ZFHX3: variants seen among roughly 807,000 people sequenced by gnomAD.
ZFHX3 encodes the protein zinc finger homeobox 3.
In ZFHX3, 42 loss-of-function variants were observed where a neutral mutation model predicts 279.1. The observed-to-expected ratio is 0.15, with a 90% CI of 0.12 to 0.19. ZFHX3 has a LOEUF of 0.19. Among genes scored for constraint, ZFHX3 ranks in the 10% least tolerant of loss-of-function variants. ZFHX3 has a pLI of 1.00. For missense variants in ZFHX3, 4,981 were observed against 4,754.0 expected, an observed-to-expected ratio of 1.05 and a Z score of -1.40; for synonymous variants, 2,293 against 1,957.8, an observed-to-expected ratio of 1.17 and a Z score of -4.52.
chr16:73,792,861 C>CA (rs1567412284), intron 1 of ZFHX3, among the ~76,000 whole-genome samples: 3 of 146,362 alleles, frequency 2.0e-5, no homozygotes, highest in South Asian at 2.2e-4. Context: ...AGTGCACCCC[C>CA]CCCCTCCCCT....
At chr16:73,869,757 A>C (rs1243357053) in intron 1 of ZFHX3, among the ~76,000 whole-genome samples, 1 of 152,254 alleles carries the variant, frequency 6.6e-6, no homozygotes, top group Non-Finnish European at 1.5e-5. Context: ...TTCATGATAC[A>C]TAAGACTTAG....
At chr16:73,833,913 TGTAATCTCA>T (rs749329457) in intron 1 of ZFHX3, among the ~76,000 whole-genome samples, 8 of 151,698 alleles carry the variant, frequency 5.3e-5, no homozygotes, top group Non-Finnish European at 1.2e-4. Context: ...TGTGTGTATA[TGTAATCTCA>T]GTTGCTTCCC....
intron 5 of ZFHX3, among the ~76,000 whole-genome samples, chr16:73,226,007 C>T (rs1019274747): frequency 1.3e-5 from 2 of 152,148 alleles, no homozygotes; most frequent in African/African-American, 4.8e-5. Context: ...AATGTGTTTG[C>T]CCCCAAGCCT....
At chr16:73,184,978 C>T (rs1019574368) in intron 5 of ZFHX3, among the ~76,000 whole-genome samples, 1 of 144,760 alleles carries the variant, frequency 6.9e-6, no homozygotes, top group Non-Finnish European at 1.5e-5. Context: ...GAACATGCAC[C>T]ATCTCTTTTT....
intron 2 of ZFHX3, chr16:73,483,579 C>A: frequency 3.0e-6 from 1 of 336,888 alleles, no homozygotes; most frequent in Non-Finnish European, 5.8e-6. Flanking sequence ...CAAGGGCCTA[C>A]CAGACCCTGG....
chr16:73,397,270 C>T (rs557561462), intron 3 of ZFHX3, among the ~76,000 whole-genome samples: 45 of 152,246 alleles, frequency 3.0e-4, no homozygotes, highest in Non-Finnish European at 6.2e-4. Context: ...AAGATCTGGG[C>T]GCTCAGGCAG....
At chr16:72,908,430 G>A (rs1053213850) in intron 3 of ZFHX3, among the ~76,000 whole-genome samples, 2 of 152,212 alleles carry the variant, frequency 1.3e-5, no homozygotes, top group African/African-American at 2.4e-5. Flanking sequence ...CTCAGGTGAC[G>A]ACAATGGGTG....
intron 2 of ZFHX3, among the ~76,000 whole-genome samples, chr16:73,479,747 G>C (rs1376128879): frequency 6.6e-6 from 1 of 152,224 alleles, no homozygotes; most frequent in Non-Finnish European, 1.5e-5. Context: ...AAATAGGGGA[G>C]GGTCCTGGAA....
At chr16:73,236,822 G>GA (rs1248500700) in intron 5 of ZFHX3, among the ~76,000 whole-genome samples, 4 of 151,918 alleles carry the variant, frequency 2.6e-5, no homozygotes, top group East Asian at 1.9e-4. Flanking sequence ...AAGTGAGTAA[G>GA]AAAAAAAAGA....
intron 2 of ZFHX3, among the ~76,000 whole-genome samples, chr16:73,531,540 C>A (rs1229204994): frequency 1.3e-5 from 2 of 151,548 alleles, no homozygotes; most frequent in Non-Finnish European, 2.9e-5. Flanking sequence ...TGTAGTGAAA[C>A]CCCATGTCTA....
chr16:73,421,430 T>A (rs886710967), intron 3 of ZFHX3: 1 of 152,236 alleles, frequency 6.6e-6, no homozygotes, highest in Non-Finnish European at 1.5e-5. Flanking sequence ...TTTGTGATGC[T>A]AACAAGACGT....
At chr16:72,885,224 C>T (rs1451111993) in intron 4 of ZFHX3, among the ~76,000 whole-genome samples, 1 of 152,226 alleles carries the variant, frequency 6.6e-6, no homozygotes. Context: ...AGAGCTCCGC[C>T]ATGGCAGGGC....
chr16:73,172,429 C>T (rs1728054469), intron 5 of ZFHX3, among the ~76,000 whole-genome samples: 1 of 152,234 alleles, frequency 6.6e-6, no homozygotes, highest in African/African-American at 2.4e-5. Context: ...AAAATAGCCC[C>T]AGCCGAGCTG....
At chr16:73,600,333 G>C (rs970580248) in intron 2 of ZFHX3, among the ~76,000 whole-genome samples, 3 of 151,580 alleles carry the variant, frequency 2.0e-5, no homozygotes, top group Non-Finnish European at 2.9e-5. Flanking sequence ...CACTGGACTT[G>C]TTCTTCCCCA....
intron 2 of ZFHX3, among the ~76,000 whole-genome samples, chr16:73,548,464 A>C (rs1305430407): frequency 6.8e-6 from 1 of 147,448 alleles, no homozygotes; most frequent in Non-Finnish European, 1.5e-5. Context: ...TTGGGTGTTT[A>C]GCCTTTTTTT....
At chr16:72,899,430 T>G (rs1218076623) in intron 3 of ZFHX3, among the ~76,000 whole-genome samples, 2 of 152,212 alleles carry the variant, frequency 1.3e-5, no homozygotes, top group Non-Finnish European at 1.5e-5. Context: ...ATCATGATTG[T>G]AAGTTTTCTG....
intron 1 of ZFHX3, among the ~76,000 whole-genome samples, chr16:73,860,534 A>G (rs1246772504): frequency 3.3e-5 from 5 of 152,222 alleles, no homozygotes; most frequent in Admixed American, 6.5e-5. Context: ...TGTTTTCAAT[A>G]CAAATGCATC....
intron 5 of ZFHX3, among the ~76,000 whole-genome samples, chr16:73,162,089 G>A (rs1306952587): frequency 1.3e-5 from 2 of 152,196 alleles, no homozygotes; most frequent in Non-Finnish European, 2.9e-5. Context: ...TAGAGCAGGG[G>A]TCCCCAGCCC....
At chr16:73,145,301 G>C (rs1449559932) in intron 5 of ZFHX3, among the ~76,000 whole-genome samples, 2 of 152,190 alleles carry the variant, frequency 1.3e-5, no homozygotes, top group Non-Finnish European at 2.9e-5. Context: ...CAGGGGTCAG[G>C]GTGTAGCCAA....
Sources: allele counts gnomAD v4.1 joint callset (sites outside exome capture counted in the v4.1 genomes callset), GRCh38; gene constraint gnomAD v4.1.1; transcripts MANE v1.5; gene names NCBI Gene and HGNC (gene_info 2026-07-23, HGNC 2026-07-21).